Variants in SLF1 observed in about 807,000 individuals in gnomAD.
SLF1 encodes SMC5-SMC6 complex localization factor protein 1.
SLF1 carries 105 observed loss-of-function variants against 123.0 expected under a neutral mutation model. The ratio of observed to expected loss-of-function variants is 0.85; its 90% CI spans 0.73 to 1.00. The LOEUF (loss-of-function observed/expected upper bound fraction) is 1.00. Among genes scored for constraint, SLF1 ranks in the 50% least tolerant of loss-of-function variants. SLF1 has a pLI of 0.00. For synonymous variants in SLF1, 434 were observed against 406.6 expected, an observed-to-expected ratio of 1.07 and a Z score of -0.81; for missense variants, 1,239 against 1,223.0, an observed-to-expected ratio of 1.01 and a Z score of -0.20.
chr5:94,691,515 A>G, intron 18 of SLF1, 49 bp from the exon 19 acceptor site: 1 of 1,449,718 alleles, frequency 6.9e-7, no homozygotes, highest in Non-Finnish European at 9.5e-7. Context: ...TATTTTTTTT[A>G]GTTGATATCT....
chr5:94,628,720 T>A, intron 1 of SLF1, 91 bp from the exon 2 acceptor site: 1 of 721,590 alleles, frequency 1.4e-6, no homozygotes, highest in South Asian at 3.0e-5. Flanking sequence ...TAATAGTTTA[T>A]TTTTAGTACT....
At chr5:94,672,799 G>C (rs1367564015) in intron 14 of SLF1, among the ~76,000 whole-genome samples, 3 of 152,016 alleles carry the variant, frequency 2.0e-5, no homozygotes, top group Non-Finnish European at 4.4e-5. Flanking sequence ...TGTTTCTGTT[G>C]TTGTTTTTGC....
chr5:94,649,067 C>A (rs1316381996), intron 5 of SLF1, among the ~76,000 whole-genome samples: 1 of 151,970 alleles, frequency 6.6e-6, no homozygotes, highest in Non-Finnish European at 1.5e-5. Context: ...AGAAGTCTTA[C>A]CAGGAAAAAA....
chr5:94,679,650 G>T (rs1751533841), intron 15 of SLF1, among the ~76,000 whole-genome samples: 1 of 151,302 alleles, frequency 6.6e-6, no homozygotes, highest in Non-Finnish European at 1.5e-5. Context: ...ATTGAGTCTG[G>T]TGCTCTAACA....
intron 7 of SLF1, among the ~76,000 whole-genome samples, chr5:94,652,915 T>C (rs565095804): frequency 2.4e-4 from 36 of 152,358 alleles, no homozygotes; most frequent in African/African-American, 8.7e-4. Flanking sequence ...TGGAGTGCAA[T>C]GGCGCAATCT....
intron 20 of SLF1, 132 bp downstream of exon 20, chr5:94,692,388 A>T (rs1385137255): frequency 1.1e-6 from 1 of 906,330 alleles, no homozygotes; most frequent in Non-Finnish European, 1.6e-6. Context: ...TGAAAAAGTA[A>T]GGATAAAAAG....
Position 94,693,451 on chromosome 5 carries a change from C to T in SLF1, c.2695+1195C>T, listed in dbSNP as rs548547148. ...CTCTTCAGTAGAGTATGGCATTATA[C>T]CAACCAATGTGAATTTTTCTAGGGC... is the stretch of plus-strand genomic sequence containing the variant. On this transcript the variant is annotated intron_variant, in intron 20 of 20. Coordinates refer to ENST00000265140, the MANE Select transcript of SLF1 (RefSeq NM_032290.4). Among the ~76,000 whole-genome samples, 5 of 152,074 alleles carry T rather than the reference C, an allele frequency of 3.3e-5. No homozygotes were observed. In the South Asian group the frequency reaches 1.0e-3, roughly 32 times the overall value.
In SLF1 at chr5:94,618,775, C is replaced by T. The variant is rs1178162010; in HGVS notation, c.-1+10C>T. 6.5e-6 allele frequency: 1 copy of T among 154,836 alleles called. No homozygotes were observed. Among genetic ancestry groups the T allele is most frequent in the Admixed American group, 6.5e-5 (1 of 15,284 alleles). 9.6% of individuals were successfully genotyped at this position (154,836 alleles called of 1,614,324 possible). A position where few individuals can be genotyped will look rare whatever the true frequency, so the allele number is the denominator to read the frequency against. On this transcript the variant is annotated intron_variant, in intron 1 of 20. Transcript: ENST00000265140. ...CCCAGACACCGGGAAGGTAAAGGGG[C>T]TCAGCTAGGAAGACACAGTGTATTC...
In SLF1 at chr5:94,665,968, G is replaced by A. The variant is rs542764514; in HGVS notation, c.1476G>A (p.Leu492=). 10 of 1,551,388 alleles carry A rather than the reference G, an allele frequency of 6.4e-6. No homozygotes were observed. Among genetic ancestry groups the A allele is most frequent in the South Asian group, 5.9e-5 (5 of 84,054 alleles). ...CCATGTCGAGATATTATTTAGAGTTGTTTCAGTGTCCAACTTGTATGAAAG... is the reference window on the plus strand; with the variant it reads ...CCATGTCGAGATATTATTTAGAGTTATTTCAGTGTCCAACTTGTATGAAAG... ...SPAMSRYYLE[L]FQCPTCMKGA... is the part of the protein sequence containing the mutation. The change falls in exon 12 of 21, where the codon TTG becomes TTA. Residue 492 remains leucine, a synonymous_variant. Coordinates refer to ENST00000265140, the MANE Select transcript of SLF1 (RefSeq NM_032290.4).
intron 20 of SLF1, among the ~76,000 whole-genome samples, chr5:94,694,209 C>G (rs1753339988): frequency 6.6e-6 from 1 of 151,888 alleles, no homozygotes; most frequent in Non-Finnish European, 1.5e-5. Flanking sequence ...TAAACTCTAT[C>G]TTTAGTACTT....
intron 12 of SLF1, among the ~76,000 whole-genome samples, chr5:94,667,191 C>G (rs919972761): frequency 2.0e-5 from 3 of 152,036 alleles, no homozygotes; most frequent in African/African-American, 7.2e-5. Flanking sequence ...AGACACTGTA[C>G]TACATTTTAG....
intron 1 of SLF1, among the ~76,000 whole-genome samples, chr5:94,621,883 TACACACACACAC>T (rs145332421): frequency 6.7e-6 from 1 of 150,286 alleles, no homozygotes; most frequent in African/African-American, 2.4e-5. Flanking sequence ...TTAATATTTA[TACACACACACAC>T]ACACACACAC....
At chr5:94,690,925 T>C (rs1378147550) in intron 18 of SLF1, among the ~76,000 whole-genome samples, 1 of 140,718 alleles carries the variant, frequency 7.1e-6, no homozygotes, top group East Asian at 2.2e-4. Context: ...TACATCCGTG[T>C]GTGTGTCTGT....
chr5:94,673,563 T>C (rs1585202245), intron 14 of SLF1, among the ~76,000 whole-genome samples: 1 of 151,866 alleles, frequency 6.6e-6, no homozygotes, highest in South Asian at 2.1e-4. Flanking sequence ...GGTGTGCACA[T>C]GTATTAGTTT....
chr5:94,626,639 TTTTGG>T lies in SLF1; in HGVS notation c.1-2167_1-2163del, dbSNP rs1455462849. Among the ~76,000 whole-genome samples, 5 of 152,162 alleles carry T rather than the reference TTTTGG, an allele frequency of 3.3e-5. 1 individual carries two copies. The highest frequency in any genetic ancestry group is 1.2e-4 in the African/African-American group (5 of 41,438). ...GTTTTGAAGGAGATGATGGTTTTTG[TTTTGG>T]TTTGTTTTTTCTGCATCCTTCTGCA... On this transcript the variant is annotated intron_variant, in intron 1 of 20. Transcript: ENST00000265140.
intron 14 of SLF1, among the ~76,000 whole-genome samples, chr5:94,674,387 A>G (rs1750810664): frequency 6.6e-6 from 1 of 152,200 alleles, no homozygotes; most frequent in Non-Finnish European, 1.5e-5. Flanking sequence ...GTCTGCAATA[A>G]ATTGTAGCAT....
At chr5:94,625,755 A>G (rs1445394280) in intron 1 of SLF1, among the ~76,000 whole-genome samples, 3 of 152,024 alleles carry the variant, frequency 2.0e-5, no homozygotes, top group Admixed American at 6.6e-5. Context: ...TAATGAAAGC[A>G]TTTCTCCCTA....
At position 94,665,867 on chromosome 5, in the gene SLF1, A is replaced by G. The variant is rs1019118295; in HGVS notation, c.1375A>G (p.Ile459Val). The G allele has an allele frequency of 1.3e-6, 2 of 1,542,424 alleles. No homozygotes were observed. Among genetic ancestry groups the G allele is most frequent in the East Asian group, 2.4e-5 (1 of 40,866 alleles). Residue 459 changes from isoleucine (I) to valine (V), a missense_variant, in exon 12 of 21, where the codon ATA becomes GTA. Ile to Val is a conservative substitution (Grantham distance 29, BLOSUM62 3). Transcript: ENST00000265140. ...GTTTATTTTTAAATAATAGGATAAC[A>G]TAGATACATTTTCTGGTCGATACTT... ...ALLENVLQDN[I>V]DTFSGRYFHI...
chr5:94,641,316 C>T (rs1056865973), intron 4 of SLF1, among the ~76,000 whole-genome samples: 3 of 141,564 alleles, frequency 2.1e-5, no homozygotes, highest in African/African-American at 7.9e-5. Flanking sequence ...AGCTCTTTCT[C>T]ACATGGTCTC....
Sources: allele counts gnomAD v4.1 joint callset (sites outside exome capture counted in the v4.1 genomes callset), GRCh38; gene constraint gnomAD v4.1.1; transcripts MANE v1.5; gene names NCBI Gene and HGNC (gene_info 2026-07-23, HGNC 2026-07-21).